ERAP1: variants seen among roughly 807,000 people sequenced by gnomAD.
The protein encoded by ERAP1 is adipocyte-derived leucine aminopeptidase.
A neutral mutation model predicts 103.7 loss-of-function variants in ERAP1; 86 were observed. That is an observed-to-expected ratio of 0.83 (90% CI 0.70 to 0.99). The LOEUF is 0.99. Ranked by LOEUF, ERAP1 falls within the 50% of genes least tolerant of loss-of-function variation. The pLI, the probability that ERAP1 is intolerant of heterozygous loss-of-function variation, is 0.00. For missense variants in ERAP1, 1,009 were observed against 1,128.4 expected, an observed-to-expected ratio of 0.89 and a Z score of 1.52; for synonymous variants, 398 against 402.4, an observed-to-expected ratio of 0.99 and a Z score of 0.13.
chr5:96,860,347 C>A, the ERAP1 span, among the ~76,000 whole-genome samples: 1 of 152,124 alleles, frequency 6.6e-6, no homozygotes, highest in Non-Finnish European at 1.5e-5. Context: ...AGCCACTACA[C>A]CCAGCCCTGT....
the ERAP1 span, among the ~76,000 whole-genome samples, chr5:96,858,459 A>C: frequency 6.6e-6 from 1 of 152,082 alleles, no homozygotes; most frequent in Admixed American, 6.5e-5. Flanking sequence ...GGCCTCCCAA[A>C]GTGCTGGAAT....
Position 96,781,874 on chromosome 5 carries a change from C to A in ERAP1, c.2286-20G>T, listed in dbSNP as rs1581545515. 6.2e-7 allele frequency: 1 copy of A among 1,612,530 alleles called. No individual in the cohort carries two copies. The highest frequency in any genetic ancestry group is 1.1e-5 in the South Asian group (1 of 91,062). ...GGCAGGCTATAGAAAGGAACACACT[C>A]GGTGAGAATCTGAGGTGCAGTAAGT... On this transcript the variant is annotated intron_variant, in intron 15 of 18. Coordinates refer to ENST00000443439, the MANE Select transcript of ERAP1 (RefSeq NM_001040458.3).
the ERAP1 span, among the ~76,000 whole-genome samples, chr5:96,896,118 C>A: frequency 8.8e-4 from 134 of 152,184 alleles, 1 homozygote; most frequent in Middle Eastern, 3.4e-3. Flanking sequence ...TTTCTGTATT[C>A]AAGGGCTGGT....
Position 96,785,924 on chromosome 5 carries a change from C to A in ERAP1, c.1807G>T (p.Gly603Cys), listed in dbSNP as rs189721036. The change falls in exon 13 of 19, where the codon GGC (glycine) becomes TGC (cysteine). Residue 603 changes from glycine to cysteine, a missense_variant. Physicochemically the swap from Gly to Cys is radical, Grantham distance 159. This residue lies in a region of ERAP1 where 611 missense variants were observed against 651.7 expected (regional missense o/e 0.94). Transcript: ENST00000443439. ...EEVEWIKFNVGMNGYYIVHYE... is the reference protein window; with the variant it reads ...EEVEWIKFNVCMNGYYIVHYE... The stretch of plus-strand genomic sequence containing the variant: ...TGCACAATGTAATAGCCATTCATGC[C>A]CACATTAAATTTGATCCATTCCACC... The A allele has an allele frequency of 6.2e-7, 1 of 1,614,082 alleles. No individual in the cohort carries two copies. Among genetic ancestry groups the A allele is most frequent in the East Asian group, 2.2e-5 (1 of 44,882 alleles).
upstream of ERAP1, among the ~76,000 whole-genome samples, chr5:96,808,985 T>C (rs1014516132): frequency 6.6e-6 from 1 of 152,200 alleles, no homozygotes; most frequent in Admixed American, 6.5e-5. Flanking sequence ...CCAAGGGCTG[T>C]TGGTTGTCCA....
the ERAP1 span, chr5:96,879,925 C>T: frequency 5.0e-6 from 8 of 1,614,156 alleles, no homozygotes; most frequent in Non-Finnish European, 6.8e-6. Flanking sequence ...ATTATGACCT[C>T]TTTGTCCACC....
chr5:96,858,515 A>G, the ERAP1 span, among the ~76,000 whole-genome samples: 1 of 152,290 alleles, frequency 6.6e-6, no homozygotes, highest in African/African-American at 2.4e-5. Context: ...ATTATTCTTC[A>G]CTTTAATTGT....
chr5:96,867,622 C>T, the ERAP1 span, among the ~76,000 whole-genome samples: 5 of 152,210 alleles, frequency 3.3e-5, no homozygotes, highest in East Asian at 7.7e-4. Flanking sequence ...TACTTGTGGG[C>T]CTGGGATTCC....
the ERAP1 span, chr5:96,896,945 TA>T: frequency 7.2e-7 from 1 of 1,391,794 alleles, no homozygotes; most frequent in African/African-American, 1.5e-5. Context: ...TAAATAGCTA[TA>T]TATTGTCAGT....
chr5:96,889,492 C>A, the ERAP1 span: 1 of 717,834 alleles, frequency 1.4e-6, no homozygotes, highest in South Asian at 1.6e-5. Flanking sequence ...CATGCCCCAA[C>A]AGTGTGGATC....
the ERAP1 span, among the ~76,000 whole-genome samples, chr5:96,859,891 T>C: frequency 2.0e-5 from 3 of 152,138 alleles, no homozygotes; most frequent in Non-Finnish European, 4.4e-5. Flanking sequence ...TTTTCATACA[T>C]GAAATTTAAA....
At chr5:96,799,816 G>C (rs1777776027) in intron 3 of ERAP1, among the ~76,000 whole-genome samples, 1 of 152,238 alleles carries the variant, frequency 6.6e-6, no homozygotes, top group African/African-American at 2.4e-5. Context: ...GGGGACAGAA[G>C]TTCTTGGCTG....
the ERAP1 span, among the ~76,000 whole-genome samples, chr5:96,839,709 A>G: frequency 1.6e-3 from 246 of 152,300 alleles, 1 homozygote; most frequent in African/African-American, 5.7e-3. Context: ...AAACAGATAC[A>G]CTGGACTTCT....
the ERAP1 span, among the ~76,000 whole-genome samples, chr5:96,904,017 C>G: frequency 6.6e-6 from 1 of 152,158 alleles, no homozygotes; most frequent in African/African-American, 2.4e-5. Context: ...ATGTTATTAG[C>G]TGCTACACCA....
the ERAP1 span, chr5:96,896,897 T>C: frequency 6.5e-7 from 1 of 1,532,610 alleles, no homozygotes; most frequent in Non-Finnish European, 8.7e-7. Context: ...TAGACTGTTA[T>C]TTAATCTAGA....
chr5:96,780,396 A>G, intron 18 of ERAP1, 27 bp downstream of exon 18: 2 of 1,458,724 alleles, frequency 1.4e-6, no homozygotes, highest in Non-Finnish European at 1.9e-6. Flanking sequence ...ATGTTTAAAA[A>G]TATATATATA....
chr5:96,861,086 G>A, the ERAP1 span, among the ~76,000 whole-genome samples: 1 of 152,006 alleles, frequency 6.6e-6, no homozygotes, highest in Non-Finnish European at 1.5e-5. Flanking sequence ...TTGTAAGTCT[G>A]TTTCTACAGC....
At chr5:96,928,347 T>C in the ERAP1 span, among the ~76,000 whole-genome samples, 1 of 152,198 alleles carries the variant, frequency 6.6e-6, no homozygotes, top group Non-Finnish European at 1.5e-5. Flanking sequence ...GTGACCTTAT[T>C]TGAAATAGGG....
the ERAP1 span, among the ~76,000 whole-genome samples, chr5:96,850,602 A>T: frequency 6.6e-6 from 1 of 152,208 alleles, no homozygotes; most frequent in East Asian, 1.9e-4. Flanking sequence ...AAGCATTAGC[A>T]AAGATGTGGA....
Sources: allele counts gnomAD v4.1 joint callset (sites outside exome capture counted in the v4.1 genomes callset), GRCh38; gene constraint gnomAD v4.1.1; regional missense constraint gnomAD v4.1.1; transcripts MANE v1.5; gene names NCBI Gene and HGNC (gene_info 2026-07-23, HGNC 2026-07-21).